ITGA11: variants seen among roughly 807,000 people sequenced by gnomAD.
ITGA11 encodes integrin alpha-11.
In ITGA11, 97 loss-of-function variants were observed where a neutral mutation model predicts 141.9. The ratio of observed to expected loss-of-function variants is 0.68; its 90% confidence interval spans 0.58 to 0.81. The LOEUF is 0.81. ITGA11 is among the 30% of genes least tolerant of loss of function. The probability of loss-of-function intolerance (pLI) is 0.00; values close to 1 mark genes in which losing one functional copy is unlikely to be tolerated. For missense variants in ITGA11, 1,387 were observed against 1,559.2 expected, an observed-to-expected ratio of 0.89 and a Z score of 1.86; for synonymous variants, 658 against 624.6, an observed-to-expected ratio of 1.05 and a Z score of -0.80.
At position 68,333,173 on chromosome 15, in the gene ITGA11, C is replaced by T. The variant is rs1315612540; in HGVS notation, c.1426-695G>A. On this transcript the variant is annotated intron_variant, in intron 12 of 29. Transcript: ENST00000315757. This position sits in a 1 kb window ranked among gnomAD's most constrained non-coding sequence, Gnocchi z 4.2. Reference sequence around the variant, plus strand: ...GGAGTGCAATGGTGCAATCTTGGCTCACTGTAGCCTCAAACTCCTGGGTTC... The same window carrying T: ...GGAGTGCAATGGTGCAATCTTGGCTTACTGTAGCCTCAAACTCCTGGGTTC... Among the ~76,000 whole-genome samples, 1 of 151,734 alleles carries T rather than the reference C, an allele frequency of 6.6e-6. No individual in the cohort carries two copies. The highest frequency in any genetic ancestry group is 2.4e-5 in the African/African-American group (1 of 41,226).
At chr15:68,315,383 C>T (rs1893537021) in intron 22 of ITGA11, among the ~76,000 whole-genome samples, 1 of 152,194 alleles carries the variant, frequency 6.6e-6, no homozygotes, top group Non-Finnish European at 1.5e-5. Context: ...CTGCTGTATA[C>T]AGGGCTGTCT....
rs545379002 is a variant in ITGA11 at position 68,310,913 on chromosome 15, C to A, written c.3174+81G>T. ...AGCTCTTATTGGCAAGCTATTGGGT[C>A]GGGAGGGAAATGGCCCGCAGAGCAC... On this transcript the variant is annotated intron_variant, in intron 26 of 29. Transcript: ENST00000315757. 6 of 1,051,112 alleles carry A rather than the reference C, an allele frequency of 5.7e-6. No individual in the cohort carries two copies. The South Asian group carries it at 6.9e-5, about 12-fold the overall frequency. 65.1% of individuals were successfully genotyped at this position (1,051,112 alleles called of 1,614,324 possible).
intron 14 of ITGA11, 47 bp from the exon 15 acceptor site, chr15:68,331,158 TG>T: frequency 3.6e-6 from 4 of 1,124,486 alleles, no homozygotes; most frequent in Non-Finnish European, 3.7e-6. Context: ...ACTGTGAGTG[TG>T]GGGGCGGGCG....
At position 68,331,952 on chromosome 15, in the gene ITGA11, G is replaced by C; in HGVS notation, c.1677C>G (p.Asp559Glu). The part of the protein sequence containing the change: ...VRDLNQDSYN[D>E]VVVGAPLEDN... ...CCTCCAGGGGGGCTCCCACCACCACGTCATTGTAGGAATCCTGGTTGAGGT... is the reference window on the plus strand; with the variant it reads ...CCTCCAGGGGGGCTCCCACCACCACCTCATTGTAGGAATCCTGGTTGAGGT... The change falls in exon 14 of 30, where the codon GAC becomes GAG. Residue 559 changes from aspartate to glutamate, a missense_variant. Physicochemically the swap from Asp to Glu is conservative, Grantham distance 45. Coordinates refer to ENST00000315757, the MANE Select transcript of ITGA11 (RefSeq NM_001004439.2). The C allele has an allele frequency of 1.2e-6, 2 of 1,612,788 alleles. No individual in the cohort carries two copies. The highest frequency in any genetic ancestry group is 1.7e-6 in the Non-Finnish European group (2 of 1,179,470).
In ITGA11 at chr15:68,317,251, T is replaced by G; in HGVS notation, c.2715+14A>C. 6.3e-7 allele frequency: 1 copy of G among 1,593,318 alleles called. No individual in the cohort carries two copies. The highest frequency in any genetic ancestry group is 1.1e-5 in the South Asian group (1 of 90,646). On this transcript the variant is annotated intron_variant, in intron 21 of 29. Coordinates refer to ENST00000315757, the MANE Select transcript of ITGA11 (RefSeq NM_001004439.2). ...CCCACCCTGACCCTCCCCCACATTG[T>G]CCCCAGTCTCAACCTTGGCCTTGGC...
rs1158892629 is a variant in ITGA11 at position 68,351,283 on chromosome 15, T to C, written c.869A>G (p.Asp290Gly). The C allele has an allele frequency of 6.2e-7, 1 of 1,614,030 alleles. No individual in the cohort carries two copies. Among genetic ancestry groups the C allele is most frequent in the South Asian group, 1.1e-5 (1 of 91,084 alleles). Residue 290 changes from aspartate (D) to glycine (G), a missense_variant, in exon 8 of 30, where the codon GAC becomes GGC. Asp to Gly is a moderately conservative substitution (Grantham distance 94, BLOSUM62 -1). Coordinates refer to ENST00000315757, the MANE Select transcript of ITGA11 (RefSeq NM_001004439.2). The part of the protein sequence containing the change: ...LEKVIQQSER[D>G]NVTRYAVAVL... The stretch of plus-strand genomic sequence containing the variant: ...GGCCACCGCATATCTTGTTACGTTG[T>C]CTCTTTCGCTTTGCTGGATCACCTT...
intron 2 of ITGA11, among the ~76,000 whole-genome samples, chr15:68,382,239 G>T (rs16951999): frequency 3.3e-5 from 5 of 152,086 alleles, no homozygotes; most frequent in Non-Finnish European, 7.4e-5. Flanking sequence ...TCCTCCTCCT[G>T]GGTTATAAAA....
chr15:68,306,875 A>G lies in ITGA11; in HGVS notation c.3381+473T>C, dbSNP rs183040628. 4.6e-5 allele frequency among the ~76,000 whole-genome samples: 7 copies of G among 152,296 alleles called. No homozygotes were observed. In the East Asian group the frequency reaches 5.8e-4, roughly 13 times the overall value. ...CGTCCCACGCCCGGCTGCCCTGTCT[A>G]TTTCCACAGGACTGGGCTTTGCTTG... On this transcript the variant is annotated intron_variant, in intron 28 of 29. Coordinates refer to ENST00000315757, the MANE Select transcript of ITGA11 (RefSeq NM_001004439.2).
chr15:68,311,630 G>T (rs1893390295), intron 24 of ITGA11, among the ~76,000 whole-genome samples: 1 of 152,204 alleles, frequency 6.6e-6, no homozygotes. Context: ...GGGATGGGTG[G>T]CTGGAAGCTG....
rs1193078885 is a variant in ITGA11, at chr15:68,400,712, T to TTATAA, written c.164+2205_164+2206insTTATA. 7.6e-5 allele frequency among the ~76,000 whole-genome samples: 2 copies of TTATAA among 26,294 alleles called. 1 individual carries two copies. Among genetic ancestry groups the TTATAA allele is most frequent in the African/African-American group, 4.7e-4 (2 of 4,300 alleles). 17.2% of individuals were successfully genotyped at this position (26,294 alleles called of 152,430 possible). A position where few individuals can be genotyped will look rare whatever the true frequency, so the allele number is the denominator to read the frequency against. On this transcript the variant is annotated intron_variant, in intron 2 of 29. Transcript: ENST00000315757. ...TATATTATATATTATATAATAAATA[T>TTATAA]TATATATTATATAATAAATATTATA...
Position 68,357,242 on chromosome 15 carries a change from T to C in ITGA11, c.658A>G (p.Arg220Gly). The change falls in exon 7 of 30, where the codon AGG becomes GGG. Residue 220 changes from arginine to glycine, a missense_variant. Coordinates refer to ENST00000315757, the MANE Select transcript of ITGA11 (RefSeq NM_001004439.2). The part of the protein sequence containing the change: ...VVHEFHLNDY[R>G]SVKDVVEAAS... ...GCTTCCACCACATCTTTTACAGACC[T>C]GTAGTCGTTGAGGTGAAACTCATGC... 6.2e-7 allele frequency: 1 copy of C among 1,614,004 alleles called. No homozygotes were observed. Among genetic ancestry groups the C allele is most frequent in the African/African-American group, 1.3e-5 (1 of 75,056 alleles).
intron 14 of ITGA11, 53 bp from the exon 15 acceptor site, chr15:68,331,164 CG>C: frequency 1.1e-6 from 1 of 924,024 alleles, no homozygotes; most frequent in Non-Finnish European, 1.6e-6. Context: ...AGTGTGGGGG[CG>C]GGCGTCCCCG....
intron 25 of ITGA11, 77 bp downstream of exon 25, chr15:68,311,213 A>T (rs764697239): frequency 3.6e-5 from 46 of 1,276,412 alleles, no homozygotes; most frequent in Non-Finnish European, 4.6e-5. Flanking sequence ...GGGTCTGGGA[A>T]CCTGGGGACA....
intron 6 of ITGA11, among the ~76,000 whole-genome samples, chr15:68,358,215 T>C (rs967753313): frequency 1.3e-5 from 2 of 152,206 alleles, no homozygotes; most frequent in African/African-American, 4.8e-5. Context: ...GTCTAAGTCT[T>C]CACAGGTGGT....
intron 2 of ITGA11, among the ~76,000 whole-genome samples, chr15:68,391,350 C>A (rs1896117705): frequency 6.6e-6 from 1 of 152,222 alleles, no homozygotes; most frequent in African/African-American, 2.4e-5. Flanking sequence ...CTCAGATAAG[C>A]AAAAGCTACC....
At chr15:68,425,810 G>A (rs912658511) in intron 1 of ITGA11, among the ~76,000 whole-genome samples, 4 of 152,226 alleles carry the variant, frequency 2.6e-5, no homozygotes, top group Admixed American at 1.3e-4. Context: ...TGGTTGTCTG[G>A]CCCAGCTGAG....
chr15:68,411,719 A>C (rs1487104206), intron 1 of ITGA11, among the ~76,000 whole-genome samples: 1 of 152,184 alleles, frequency 6.6e-6, no homozygotes, highest in Non-Finnish European at 1.5e-5. Context: ...GGGACTTTGT[A>C]ATTCCTGCCT....
At chr15:68,408,413 G>C (rs1317444255) in intron 1 of ITGA11, among the ~76,000 whole-genome samples, 3 of 152,124 alleles carry the variant, frequency 2.0e-5, no homozygotes, top group Admixed American at 2.0e-4. Context: ...TCCCGCATCA[G>C]GACGCAGGCT....
At chr15:68,396,783 T>C (rs1176689857) in intron 2 of ITGA11, among the ~76,000 whole-genome samples, 3 of 147,126 alleles carry the variant, frequency 2.0e-5, no homozygotes, top group Non-Finnish European at 4.5e-5. Flanking sequence ...GTAAAAAAGA[T>C]TGAAAAATGA....
Sources: allele counts gnomAD v4.1 joint callset (sites outside exome capture counted in the v4.1 genomes callset), GRCh38; gene constraint gnomAD v4.1.1; non-coding constraint Gnocchi (gnomAD v3.1); transcripts MANE v1.5; gene names NCBI Gene and HGNC (gene_info 2026-07-23, HGNC 2026-07-21).